SGSM2: variants seen among roughly 807,000 people sequenced by gnomAD.
SGSM2 encodes the protein RUN and TBC1 domain containing 1.
In SGSM2, 89 loss-of-function variants were observed where a neutral mutation model predicts 126.6. The ratio of observed to expected loss-of-function variants is 0.70; its 90% CI spans 0.59 to 0.84. The LOEUF (loss-of-function observed/expected upper bound fraction) is 0.84, where lower values mean the gene tolerates loss of function less well. Among genes scored for constraint, SGSM2 ranks in the 40% least tolerant of loss-of-function variants. The probability of loss-of-function intolerance (pLI) is 0.00; values close to 1 mark genes in which losing one functional copy is unlikely to be tolerated. For missense variants in SGSM2, 1,404 were observed against 1,416.6 expected (o/e 0.99, Z 0.14); for synonymous variants, 614 against 574.3 (o/e 1.07, Z -0.99).
rs770206642 is a variant in SGSM2 at position 2,367,275 on chromosome 17, T to TATTAACTACC, written c.1295_1304dup (p.His436Ter). 4 of 1,613,058 alleles carry TATTAACTACC rather than the reference T, an allele frequency of 2.5e-6. No homozygotes were observed. In the South Asian group the frequency reaches 4.4e-5, roughly 18 times the overall value. On this transcript the variant is annotated frameshift_variant, in exon 12 of 24. Transcript: ENST00000268989. LOFTEE classifies it high-confidence loss of function. This position sits in a 1 kb window ranked among gnomAD's most constrained non-coding sequence, Gnocchi z 4.0. ...CTCGCTGTTCTCTTTGAGCAGTCAC[T>TATTAACTACC]ATTAACTACCACCACCTAGCGGCCA...
Position 2,379,609 on chromosome 17 carries a change from C to G in SGSM2, c.*89C>G. ...TCACCGCCCAGACCTCCCCAGCCAC[C>G]AACCGACCCCACCTCTGTTCCTAAC... On this transcript the variant is annotated 3_prime_UTR_variant, in exon 24 of 24. Coordinates refer to ENST00000268989, the MANE Select transcript of SGSM2 (RefSeq NM_014853.3). 2.0e-6 allele frequency: 3 copies of G among 1,529,546 alleles called. No homozygotes were observed. Among genetic ancestry groups the G allele is most frequent in the Non-Finnish European group, 2.7e-6 (3 of 1,131,140 alleles). 94.7% of individuals were successfully genotyped at this position (1,529,546 alleles called of 1,614,324 possible).
intron 1 of SGSM2, among the ~76,000 whole-genome samples, chr17:2,340,816 C>G (rs187735083): frequency 6.6e-6 from 1 of 152,218 alleles, no homozygotes; most frequent in East Asian, 1.9e-4. Context: ...GATCTCCTGA[C>G]CTCGTGATCC....
chr17:2,379,816 T>C lies in SGSM2; in HGVS notation c.*296T>C. ...ATCTGGGAGTAGCCCCACTGCCACC[T>C]GCAGCCGCAGCCTGGACTGCTGCCC... On this transcript the variant is annotated 3_prime_UTR_variant, in exon 24 of 24. Transcript: ENST00000268989. 7.5e-7 allele frequency: 1 copy of C among 1,325,612 alleles called. No homozygotes were observed. Among genetic ancestry groups the C allele is most frequent in the Non-Finnish European group, 9.7e-7 (1 of 1,032,946 alleles). 82.1% of individuals were successfully genotyped at this position (1,325,612 alleles called of 1,614,324 possible). A position where few individuals can be genotyped will look rare whatever the true frequency, so the allele number is the denominator to read the frequency against.
At chr17:2,346,027 G>T (rs2064585042) in intron 2 of SGSM2, among the ~76,000 whole-genome samples, 1 of 152,150 alleles carries the variant, frequency 6.6e-6, no homozygotes, top group Admixed American at 6.5e-5. Context: ...ACCCCTCTCT[G>T]CCTTTTTGGA....
chr17:2,370,938 C>T (rs1184984769), intron 12 of SGSM2, among the ~76,000 whole-genome samples: 1 of 152,248 alleles, frequency 6.6e-6, no homozygotes, highest in Non-Finnish European at 1.5e-5. Context: ...CTCTTTCTTT[C>T]CCTTCCCTCT....
rs539311529 is a variant in SGSM2 at position 2,343,873 on chromosome 17, C to T, written c.133+253C>T. On this transcript the variant is annotated intron_variant, in intron 2 of 23. Transcript: ENST00000268989. ...CTCACATTTTAGCATGTATCAGAGT[C>T]ACCTGAAGGGCTTGGTAGAACACAG... 2.6e-5 allele frequency among the ~76,000 whole-genome samples: 4 copies of T among 152,332 alleles called. No homozygotes were observed. In the East Asian group the frequency reaches 5.8e-4, roughly 22 times the overall value.
intron 13 of SGSM2, chr17:2,371,678 TGA>T (rs1043894096): frequency 4.2e-6 from 2 of 480,418 alleles, no homozygotes; most frequent in African/African-American, 4.0e-5. Flanking sequence ...GAGGACAGAA[TGA>T]GAGAGAACCC....
At position 2,363,855 on chromosome 17, in the gene SGSM2, G is replaced by A. The variant is rs1303478003; in HGVS notation, c.808-204G>A. The A allele has an allele frequency of 1.3e-6, 1 of 778,262 alleles. No individual in the cohort carries two copies. The highest frequency in any genetic ancestry group is 2.7e-5 in the East Asian group (1 of 37,170). The allele number at this position is 778,262 out of a possible 1,614,324, so 48.2% of individuals were successfully genotyped here. On this transcript the variant is annotated intron_variant, in intron 7 of 23. Coordinates refer to ENST00000268989, the MANE Select transcript of SGSM2 (RefSeq NM_014853.3). This position sits in a 1 kb window ranked among gnomAD's most constrained non-coding sequence, Gnocchi z 4.2. ...CTGGAATGGACCTGGCATCCAGGAG[G>A]CTGGCAGGAGAGAGTCAGTGGCACC...
At chr17:2,375,987 A>AG (rs757595507) in intron 18 of SGSM2, 112 bp downstream of exon 18, 64 of 1,508,514 alleles carry the variant, frequency 4.2e-5, no homozygotes, top group Non-Finnish European at 5.4e-5. Context: ...CTGCCCTGGA[A>AG]GGGAGTTCTG....
chr17:2,380,040 G>C lies in SGSM2; in HGVS notation c.*520G>C. 1.4e-6 allele frequency: 2 copies of C among 1,391,814 alleles called. No homozygotes were observed. The highest frequency in any genetic ancestry group is 1.8e-6 in the Non-Finnish European group (2 of 1,081,950). The allele number at this position is 1,391,814 out of a possible 1,614,324, so 86.2% of individuals were successfully genotyped here. On this transcript the variant is annotated 3_prime_UTR_variant, in exon 24 of 24. Transcript: ENST00000268989. ...TGGTTTAGGCACACGTCACGGGTGC[G>C]GGAGACCCGGGCACGGGAGACCCGG...
At chr17:2,346,689 G>T (rs563199628) in intron 2 of SGSM2, among the ~76,000 whole-genome samples, 12 of 152,248 alleles carry the variant, frequency 7.9e-5, no homozygotes, top group African/African-American at 2.6e-4. Context: ...GCAGCAGGGG[G>T]GTGGGTGGGG....
rs571073343 is a variant in SGSM2 at position 2,379,526 on chromosome 17, G to C, written c.*6G>C. 125 of 1,609,186 alleles carry C rather than the reference G, an allele frequency of 7.8e-5. No individual in the cohort carries two copies. The South Asian group carries it at 1.3e-3, about 17-fold the overall frequency. On this transcript the variant is annotated 3_prime_UTR_variant, in exon 24 of 24. Transcript: ENST00000268989. ...TGCTCATAGAGAACAAGTGAGCTGG[G>C]GCCAGGAGGCAGCAGCCGTGCAGAG... is the stretch of plus-strand genomic sequence containing the variant.
chr17:2,352,944 A>AT (rs1445924296), intron 2 of SGSM2, among the ~76,000 whole-genome samples: 1 of 147,780 alleles, frequency 6.8e-6, no homozygotes, highest in Non-Finnish European at 1.5e-5. Flanking sequence ...CGCCCGGCTA[A>AT]TTTTTTGTAT....
At chr17:2,376,282 C>G (rs1221434842) in intron 19 of SGSM2, 21 bp downstream of exon 19, 24 of 1,609,160 alleles carry the variant, frequency 1.5e-5, no homozygotes, top group Non-Finnish European at 2.0e-5. Context: ...GGGCGGGGCT[C>G]AGGGTGGGAG....
rs530972829 is a variant in SGSM2 at position 2,363,398 on chromosome 17, G to T, written c.673-67G>T. 2 of 1,602,086 alleles carry T rather than the reference G, an allele frequency of 1.2e-6. No homozygotes were observed. The highest frequency in any genetic ancestry group is 1.1e-5 in the South Asian group (1 of 90,646). The stretch of plus-strand genomic sequence containing the variant: ...AGCTGGAGAGGGTCAGCATGGAAGC[G>T]TGAGGGTTCCCAAGCCTTGAGGCCA... On this transcript the variant is annotated intron_variant, in intron 6 of 23. Coordinates refer to ENST00000268989, the MANE Select transcript of SGSM2 (RefSeq NM_014853.3). The surrounding 1 kb of genome is among the most constrained non-coding windows in gnomAD (Gnocchi z 4.2).
intron 2 of SGSM2, among the ~76,000 whole-genome samples, chr17:2,354,350 G>A (rs967387898): frequency 1.5e-4 from 23 of 152,108 alleles, no homozygotes; most frequent in African/African-American, 5.6e-4. Flanking sequence ...GCCCAGCCAA[G>A]TTTTTTATAC....
intron 19 of SGSM2, 64 bp downstream of exon 19, chr17:2,376,325 T>G (rs2066152047): frequency 6.2e-7 from 1 of 1,604,258 alleles, no homozygotes; most frequent in South Asian, 1.1e-5. Context: ...TCTGTGAAGA[T>G]GAGGTCCGGA....
intron 22 of SGSM2, among the ~76,000 whole-genome samples, chr17:2,378,264 T>C (rs960322672): frequency 2.0e-5 from 3 of 152,130 alleles, no homozygotes; most frequent in African/African-American, 7.2e-5. Flanking sequence ...AGACCCTGTC[T>C]TTAATTTTTA....
At position 2,375,657 on chromosome 17, in the gene SGSM2, C is replaced by T. The variant is rs183516323; in HGVS notation, c.2266C>T (p.Arg756Cys). The T allele has an allele frequency of 2.0e-5, 33 of 1,613,956 alleles. No homozygotes were observed. In the East Asian group the frequency reaches 4.0e-4, roughly 20 times the overall value. ...DSPDSGLPSS[R>C]NYSVASGIQS... ...TCCAGACTCAGGACTGCCCTCCTCT[C>T]GCAATTACTCCGTGGCCTCGGGCAT... Residue 756 changes from arginine to cysteine, a missense_variant, in exon 18 of 24, where the codon CGC becomes TGC. Coordinates refer to ENST00000268989, the MANE Select transcript of SGSM2 (RefSeq NM_014853.3).
Sources: gnomAD v4.1 joint callset for allele counts (sites outside exome capture counted in the v4.1 genomes callset) on GRCh38, gnomAD v4.1.1 for gene constraint, Gnocchi (gnomAD v3.1) non-coding constraint, MANE v1.5 for transcripts, NCBI Gene and HGNC (gene_info 2026-07-23, HGNC 2026-07-21) for gene names.